The following PARD3B variants were observed in gnomAD, a reference collection of about 807,000 sequenced individuals.
PARD3B encodes partitioning defective 3 homolog B.
Under a neutral mutation model 130.2 loss-of-function variants are expected in PARD3B, and 103 were observed. The ratio of observed to expected loss-of-function variants is 0.79; its 90% CI spans 0.67 to 0.93. The LOEUF is 0.93. Ranked by LOEUF, PARD3B falls within the 40% of genes least tolerant of loss-of-function variation. The probability of loss-of-function intolerance (pLI) is 0.00; values close to 1 mark genes in which losing one functional copy is unlikely to be tolerated. For synonymous variants in PARD3B, 583 were observed against 553.2 expected (o/e 1.05, Z -0.76); for missense variants, 1,609 against 1,499.2 (o/e 1.07, Z -1.21).
chr2:204,810,785 C>T lies in PARD3B; in HGVS notation c.222+124503C>T, dbSNP rs528111726. ...TGAAGTGTTTTTTTTGTTGTTGTGT[C>T]TCTGTCAGGTTTTGATATCAGGATG... On this transcript the variant is annotated intron_variant, in intron 2 of 22. Coordinates refer to ENST00000406610, the MANE Select transcript of PARD3B (RefSeq NM_001302769.2). Among the ~76,000 whole-genome samples the T allele has an allele frequency of 1.1e-4, 16 of 152,042 alleles. No individual in the cohort carries two copies. The East Asian group carries it at 3.1e-3, about 29-fold the overall frequency.
intron 1 of PARD3B, among the ~76,000 whole-genome samples, chr2:204,607,874 C>T (rs1253261416): frequency 6.6e-6 from 1 of 152,132 alleles, no homozygotes; most frequent in African/African-American, 2.4e-5. Context: ...GAAGAATAGA[C>T]CTGTTCATGT....
chr2:205,094,373 C>T (rs749347128), intron 4 of PARD3B, among the ~76,000 whole-genome samples: 2 of 152,022 alleles, frequency 1.3e-5, no homozygotes, highest in Admixed American at 1.3e-4. Flanking sequence ...TGCTTATAGA[C>T]GATAGGCAAT....
intron 2 of PARD3B, among the ~76,000 whole-genome samples, chr2:204,925,941 G>T (rs1463807009): frequency 6.6e-6 from 1 of 151,958 alleles, no homozygotes; most frequent in Non-Finnish European, 1.5e-5. Flanking sequence ...TTTCTTTCCT[G>T]CCTCCATATT....
At chr2:204,697,804 C>T (rs2037687448) in intron 2 of PARD3B, among the ~76,000 whole-genome samples, 1 of 152,048 alleles carries the variant, frequency 6.6e-6, no homozygotes, top group African/African-American at 2.4e-5. Flanking sequence ...GCAAGGGTGA[C>T]CCTGGGTGGC....
In PARD3B at chr2:205,274,359, T is replaced by C. The variant is rs555324596; in HGVS notation, c.2186-26171T>C. 6.6e-6 allele frequency among the ~76,000 whole-genome samples: 1 copy of C among 152,200 alleles called. No homozygotes were observed. The highest frequency in any genetic ancestry group is 1.9e-4 in the East Asian group (1 of 5,186). ...AATAATCAGCTGATTTCATTCCTGA[T>C]GTATAAAGGAAAATATTCCATTCCT... On this transcript the variant is annotated intron_variant, in intron 16 of 22. Transcript: ENST00000406610. This position sits in a 1 kb window ranked among gnomAD's most constrained non-coding sequence, Gnocchi z 4.2.
intron 2 of PARD3B, among the ~76,000 whole-genome samples, chr2:204,815,157 G>GT (rs779565971): frequency 9.9e-5 from 15 of 151,860 alleles, no homozygotes; most frequent in Admixed American, 3.9e-4. Context: ...TTTAGGCCTG[G>GT]TGTTTGGGTT....
chr2:205,182,832 A>T lies in PARD3B; in HGVS notation c.1925-2932A>T, dbSNP rs1450979748. 2.0e-5 allele frequency among the ~76,000 whole-genome samples: 3 copies of T among 152,150 alleles called. No homozygotes were observed. The East Asian group carries it at 5.8e-4, about 29-fold the overall frequency. ...TCCACTGGTGGCTGGGCACCTCGTC[A>T]CCTGGCTTTCAGGTGATGTAGATGG... On this transcript the variant is annotated intron_variant, in intron 13 of 22. Transcript: ENST00000406610.
chr2:204,899,920 T>G (rs1407856339), intron 2 of PARD3B, among the ~76,000 whole-genome samples: 1 of 152,064 alleles, frequency 6.6e-6, no homozygotes, highest in Non-Finnish European at 1.5e-5. Flanking sequence ...CTTCAGCAGT[T>G]AAAACATGTC....
chr2:205,107,521 A>G (rs1703314832), intron 5 of PARD3B, among the ~76,000 whole-genome samples: 1 of 152,214 alleles, frequency 6.6e-6, no homozygotes, highest in South Asian at 2.1e-4. Context: ...TGCCATTATC[A>G]TTGTCATTTT....
In PARD3B at chr2:205,277,341, A is replaced by G. The variant is rs537417292; in HGVS notation, c.2186-23189A>G. Among the ~76,000 whole-genome samples, 3 of 152,350 alleles carry G rather than the reference A, an allele frequency of 2.0e-5. No homozygotes were observed. The East Asian group carries it at 5.8e-4, about 29-fold the overall frequency. On this transcript the variant is annotated intron_variant, in intron 16 of 22. Coordinates refer to ENST00000406610, the MANE Select transcript of PARD3B (RefSeq NM_001302769.2). The stretch of plus-strand genomic sequence containing the variant: ...CCTCTCTGTTCCCAGGTTTTCCTCT[A>G]TATAAATGACAGTAATAATAGCACT...
chr2:204,835,329 T>G (rs1463856766), intron 2 of PARD3B, among the ~76,000 whole-genome samples: 1 of 152,184 alleles, frequency 6.6e-6, no homozygotes, highest in Non-Finnish European at 1.5e-5. Flanking sequence ...GGAAGAAGAC[T>G]CCTTACTGAG....
At chr2:205,155,183 A>G (rs188456642) in intron 10 of PARD3B, among the ~76,000 whole-genome samples, 80 of 152,286 alleles carry the variant, frequency 5.3e-4, no homozygotes, top group Admixed American at 1.4e-3. Context: ...TGGTTGACAC[A>G]TTTACCCCAC....
intron 2 of PARD3B, among the ~76,000 whole-genome samples, chr2:204,899,834 A>G (rs967626616): frequency 6.6e-6 from 1 of 152,014 alleles, no homozygotes; most frequent in Non-Finnish European, 1.5e-5. Context: ...TTGTCTAGGG[A>G]AGTATTTCTT....
intron 1 of PARD3B, among the ~76,000 whole-genome samples, chr2:204,659,256 A>G (rs1373090952): frequency 6.6e-6 from 1 of 152,136 alleles, no homozygotes; most frequent in Admixed American, 6.6e-5. Context: ...GTTTTCCCTA[A>G]CGTTCATCTT....
At chr2:204,896,300 G>T (rs919867091) in intron 2 of PARD3B, among the ~76,000 whole-genome samples, 3 of 152,144 alleles carry the variant, frequency 2.0e-5, no homozygotes, top group African/African-American at 7.2e-5. Flanking sequence ...GTAAATAAAG[G>T]TAAGAGGAAG....
chr2:204,547,116 G>A (rs938506070), intron 1 of PARD3B, among the ~76,000 whole-genome samples: 1 of 152,174 alleles, frequency 6.6e-6, no homozygotes, highest in Non-Finnish European at 1.5e-5. Flanking sequence ...AAAATAGTGG[G>A]TTGGTCAATC....
At chr2:204,931,983 A>G (rs1414115161) in intron 2 of PARD3B, among the ~76,000 whole-genome samples, 1 of 152,110 alleles carries the variant, frequency 6.6e-6, no homozygotes, top group Non-Finnish European at 1.5e-5. Flanking sequence ...AAGACATTTG[A>G]TACTAGAAAG....
intron 1 of PARD3B, among the ~76,000 whole-genome samples, chr2:204,642,112 T>C (rs1008133780): frequency 6.6e-6 from 1 of 152,150 alleles, no homozygotes; most frequent in Non-Finnish European, 1.5e-5. Flanking sequence ...GGGATTGGGG[T>C]CAGCCCATTT....
chr2:204,707,917 C>T (rs1390066190), intron 2 of PARD3B, among the ~76,000 whole-genome samples: 2 of 152,176 alleles, frequency 1.3e-5, no homozygotes. Flanking sequence ...TACCCAGAGG[C>T]GGCCACGGGG....
Sources: gnomAD v4.1 joint callset for allele counts (sites outside exome capture counted in the v4.1 genomes callset) on GRCh38, gnomAD v4.1.1 for gene constraint, Gnocchi (gnomAD v3.1) non-coding constraint, MANE v1.5 for transcripts, NCBI Gene and HGNC (gene_info 2026-07-23, HGNC 2026-07-21) for gene names.